NCF2: variants seen among roughly 807,000 people sequenced by gnomAD.
The protein encoded by NCF2 is neutrophil cytosol factor 2.
A neutral mutation model predicts 70.9 loss-of-function variants in NCF2; 45 were observed. That is an observed-to-expected ratio of 0.63 (90% CI 0.50 to 0.81). NCF2 has a LOEUF of 0.81. NCF2 is among the 40% of genes least tolerant of loss of function. The pLI, the probability that NCF2 is intolerant of heterozygous loss-of-function variation, is 0.00. For missense variants in NCF2, 522 were observed against 631.6 expected, an observed-to-expected ratio of 0.83 and a Z score of 1.86; for synonymous variants, 203 against 233.6, an observed-to-expected ratio of 0.87 and a Z score of 1.19.
chr1:183,566,861 T>C, intron 9 of NCF2, 59 bp downstream of exon 9: 1 of 1,597,594 alleles, frequency 6.3e-7, no homozygotes, highest in Non-Finnish European at 8.6e-7. Flanking sequence ...TTTTCTCCCC[T>C]CCAGGGAGAG....
chr1:183,566,974 G>C lies in NCF2; in HGVS notation c.870C>G (p.Pro290=), dbSNP rs1419157652. The C allele has an allele frequency of 6.2e-7, 1 of 1,614,184 alleles. No individual in the cohort carries two copies. Among genetic ancestry groups the C allele is most frequent in the East Asian group, 2.2e-5 (1 of 44,890 alleles). ...VMFNGQKGLV[P]CNYLEPVELR... ...GCTCAACTGGTTCAAGGTAGTTGCA[G>C]GGAACAAGCCCCTTCTGCAGTGCAG... The change falls in exon 9 of 15, where the codon CCC becomes CCG. Residue 290 remains proline (P), a synonymous_variant. Transcript: ENST00000367535.
chr1:183,555,790 T>A lies in NCF2; in HGVS notation c.*328A>T. ...TGTACAGCTTGATGAATGTTTACAG[T>A]GTGAACACAGCTGGCTAGCTAGCAC... On this transcript the variant is annotated 3_prime_UTR_variant, in exon 15 of 15. Transcript: ENST00000367535. 2.7e-6 allele frequency: 1 copy of A among 372,100 alleles called. No individual in the cohort carries two copies. Among genetic ancestry groups the A allele is most frequent in the South Asian group, 3.1e-5 (1 of 32,210 alleles). The allele number at this position is 372,100 out of a possible 1,614,324, so 23.0% of individuals were successfully genotyped here. A position where few individuals can be genotyped will look rare whatever the true frequency, so the allele number is the denominator to read the frequency against.
intron 5 of NCF2, among the ~76,000 whole-genome samples, chr1:183,571,114 C>CTTTTTTTTTTT (rs66625837): frequency 9.4e-6 from 1 of 106,816 alleles, no homozygotes; most frequent in African/African-American, 3.6e-5. Flanking sequence ...ATCAAATTAT[C>CTTTTTTTTTTT]TTTTTTTTTT....
At chr1:183,581,703 C>T (rs1673090654) in intron 2 of NCF2, among the ~76,000 whole-genome samples, 1 of 151,320 alleles carries the variant, frequency 6.6e-6, no homozygotes, top group Non-Finnish European at 1.5e-5. Flanking sequence ...GAGTCTCGCT[C>T]TGTTGCCCTG....
intron 3 of NCF2, among the ~76,000 whole-genome samples, chr1:183,576,572 G>A (rs1215787162): frequency 6.6e-6 from 1 of 152,196 alleles, no homozygotes; most frequent in Non-Finnish European, 1.5e-5. Context: ...ATACAAGATT[G>A]TCTGGTCCAA....
chr1:183,590,433 T>C lies in NCF2; in HGVS notation c.-104A>G. 1 of 1,310,500 alleles carries C rather than the reference T, an allele frequency of 7.6e-7. No individual in the cohort carries two copies. The highest frequency in any genetic ancestry group is 1.1e-6 in the Non-Finnish European group (1 of 918,356). The allele number at this position is 1,310,500 out of a possible 1,614,324, so 81.2% of individuals were successfully genotyped here. On this transcript the variant is annotated 5_prime_UTR_variant, in exon 1 of 15. Coordinates refer to ENST00000367535, the MANE Select transcript of NCF2 (RefSeq NM_000433.4). The stretch of plus-strand genomic sequence containing the variant: ...GCTGCCTTAGTGGCCCCCAAGGTGT[T>C]CACTTTCTGGGCCAGATGAGTAGAA...
At chr1:183,577,741 G>A (rs2102912703) in intron 2 of NCF2, 34 bp from the exon 3 acceptor site, 1 of 1,403,372 alleles carries the variant, frequency 7.1e-7, no homozygotes, top group South Asian at 1.2e-5. Context: ...CAGCAGTCTA[G>A]TGGATGGAGA....
chr1:183,575,690 G>C (rs1434096554), intron 3 of NCF2, among the ~76,000 whole-genome samples: 3 of 152,172 alleles, frequency 2.0e-5, no homozygotes. Context: ...CTTGCTCTTG[G>C]GTCACTTGCT....
Position 183,569,141 on chromosome 1 carries a change from C to T in NCF2, c.713+1G>A, listed in dbSNP as rs763317358. 3 of 1,613,634 alleles carry T rather than the reference C, an allele frequency of 1.9e-6. No individual in the cohort carries two copies. Among genetic ancestry groups the T allele is most frequent in the Non-Finnish European group, 1.7e-6 (2 of 1,179,600 alleles). On this transcript the variant is annotated splice_donor_variant, in intron 7 of 14. Transcript: ENST00000367535. LOFTEE classifies it high-confidence loss of function. ...TATTTATGGATTTGAATCTAACTTA[C>T]CTGAAGATCTCTGGGGTTTTCGGTC...
At chr1:183,591,241 T>C (rs1673629874), upstream of NCF2, among the ~76,000 whole-genome samples, 1 of 152,254 alleles carries the variant, frequency 6.6e-6, no homozygotes, top group African/African-American at 2.4e-5. Flanking sequence ...GGTTCCTGGC[T>C]TACAAAGTGA....
At position 183,556,108 on chromosome 1, in the gene NCF2, G is replaced by C; in HGVS notation, c.*10C>G. On this transcript the variant is annotated 3_prime_UTR_variant, in exon 15 of 15. Transcript: ENST00000367535. The stretch of plus-strand genomic sequence containing the variant: ...TTCATTTTCTTCAGCTTTGTAGTTT[G>C]TGAAACATCCTAGACTTCTCTCCGA... 2 of 1,607,986 alleles carry C rather than the reference G, an allele frequency of 1.2e-6. No individual in the cohort carries two copies. The highest frequency in any genetic ancestry group is 1.7e-6 in the Non-Finnish European group (2 of 1,174,376).
the NCF2 span, among the ~76,000 whole-genome samples, chr1:183,600,741 T>A: frequency 6.6e-6 from 1 of 151,956 alleles, no homozygotes; most frequent in Non-Finnish European, 1.5e-5. Context: ...GTCAGCAACA[T>A]GGCCTTCATC....
chr1:183,565,773 T>C lies in NCF2; in HGVS notation c.931A>G (p.Ser311Gly). 6.2e-7 allele frequency: 1 copy of C among 1,613,656 alleles called. No homozygotes were observed. Residue 311 changes from serine (S) to glycine (G), a missense_variant, in exon 10 of 15, where the codon AGC becomes GGC. Transcript: ENST00000367535. ...GCTGGGATGTCGGACTGCGGAGAGC[T>C]TTCCTCCTGAAGGCAACAGGGAGCG... ...IHPQQQPQEE[S>G]SPQSDIPAPP...
At position 183,564,236 on chromosome 1, in the gene NCF2, C is replaced by G. The variant is rs562574374; in HGVS notation, c.1001-206G>C. Reference sequence around the variant, plus strand: ...AAGGTCATGAACACATGAACAAACTCAGTCTCTGCTTCTAGGGAGCCTATA... The same window carrying G: ...AAGGTCATGAACACATGAACAAACTGAGTCTCTGCTTCTAGGGAGCCTATA... On this transcript the variant is annotated intron_variant, in intron 10 of 14. Transcript: ENST00000367535. Among the ~76,000 whole-genome samples the G allele has an allele frequency of 6.0e-4, 91 of 152,258 alleles. 1 individual carries two copies. Among genetic ancestry groups the G allele is most frequent in the Non-Finnish European group, 5.0e-4 (34 of 68,010 alleles).
At chr1:183,598,980 C>T in the NCF2 span, among the ~76,000 whole-genome samples, 59 of 152,216 alleles carry the variant, frequency 3.9e-4, no homozygotes, top group South Asian at 1.4e-3. Flanking sequence ...GGGCTGAGCC[C>T]TAGAAATAAT....
chr1:183,563,135 A>T (rs1558092108), intron 13 of NCF2, 60 bp downstream of exon 13: 1 of 1,491,096 alleles, frequency 6.7e-7, no homozygotes, highest in East Asian at 2.3e-5. Flanking sequence ...GATAAATTTC[A>T]AATTGTTGAG....
chr1:183,587,866 T>C (rs1444299109), intron 1 of NCF2, among the ~76,000 whole-genome samples: 1 of 152,150 alleles, frequency 6.6e-6, no homozygotes, highest in Non-Finnish European at 1.5e-5. Flanking sequence ...AATACATATC[T>C]ATATTTAAAA....
chr1:183,578,283 G>C lies in NCF2; in HGVS notation c.258-576C>G, dbSNP rs575492608. On this transcript the variant is annotated intron_variant, in intron 2 of 14. Transcript: ENST00000367535. ...GGTCTTCTTTGTTTCCTCACCGCCC[G>C]CCACTTCTGCCTCCTCCCTACACTT... 3.3e-5 allele frequency among the ~76,000 whole-genome samples: 5 copies of C among 151,124 alleles called. No homozygotes were observed. The East Asian group carries it at 9.7e-4, about 29-fold the overall frequency.
upstream of NCF2, among the ~76,000 whole-genome samples, chr1:183,591,706 G>A (rs72550881): frequency 1.1e-3 from 160 of 152,122 alleles, 1 homozygote; most frequent in Admixed American, 2.3e-3. Flanking sequence ...TGATGGTCTC[G>A]AACTCCTGAC....
Sources: allele counts gnomAD v4.1 joint callset (sites outside exome capture counted in the v4.1 genomes callset), GRCh38; gene constraint gnomAD v4.1.1; transcripts MANE v1.5; gene names NCBI Gene and HGNC (gene_info 2026-07-23, HGNC 2026-07-21).